The following ZNF33B variants were observed in gnomAD, a reference collection of about 807,000 sequenced individuals.
ZNF33B encodes the protein zinc finger protein 33B.
In ZNF33B, 29 loss-of-function variants were observed where a neutral mutation model predicts 45.8. The observed-to-expected ratio is 0.63, with a 90% CI of 0.47 to 0.86. ZNF33B has a LOEUF of 0.86. Among genes scored for constraint, ZNF33B ranks in the 40% least tolerant of loss-of-function variants. The pLI is 0.00. For synonymous variants in ZNF33B, 305 were observed against 307.8 expected (o/e 0.99, Z 0.10); for missense variants, 831 against 909.9 (o/e 0.91, Z 1.12).
intron 4 of ZNF33B, among the ~76,000 whole-genome samples, chr10:42,626,192 T>C (rs1175029672): frequency 6.6e-6 from 1 of 152,222 alleles, no homozygotes; most frequent in African/African-American, 2.4e-5. Flanking sequence ...GATTTCTGAA[T>C]GTTGAACCAG....
Position 42,631,937 on chromosome 10 carries a change from C to T in ZNF33B, c.242G>A (p.Ser81Asn), listed in dbSNP as rs1357173599. The T allele has an allele frequency of 6.2e-7, 1 of 1,614,002 alleles. No homozygotes were observed. The highest frequency in any genetic ancestry group is 2.2e-5 in the East Asian group (1 of 44,864). ...AGTACATATTAACCCACCTGGAAAG[C>T]TCTGGCTTGGGAATTCTTCCTCCAG... Reference protein sequence around the residue: ...WRLEEEFPSQSFPEVWTADHL... With the variant: ...WRLEEEFPSQNFPEVWTADHL... Residue 81 changes from serine to asparagine, a missense_variant, in exon 4 of 5, where the codon AGC becomes AAC. Physicochemically the swap from Ser to Asn is conservative, Grantham distance 46. Transcript: ENST00000359467.
chr10:42,608,237 C>G (rs1166280670), intron 4 of ZNF33B, among the ~76,000 whole-genome samples: 3 of 152,120 alleles, frequency 2.0e-5, no homozygotes, highest in Non-Finnish European at 4.4e-5. Context: ...AAAAAATACA[C>G]AAGTCTATGA....
rs1441180282 is a variant in ZNF33B at position 42,593,246 on chromosome 10, G to C, written c.1704C>G (p.Leu568=). The C allele has an allele frequency of 1.9e-6, 3 of 1,613,852 alleles. No homozygotes were observed. Among genetic ancestry groups the C allele is most frequent in the South Asian group, 2.2e-5 (2 of 91,080 alleles). ...CGKFFSHKST[L]SQHYRTHTGE... Reference sequence around the variant, plus strand: ...CCGTGTGTGTTCTATAATGTTGAGAGAGGGTTGACTTATGGCTAAAGAATT... The same window carrying C: ...CCGTGTGTGTTCTATAATGTTGAGACAGGGTTGACTTATGGCTAAAGAATT... Residue 568 remains leucine, a synonymous_variant, in exon 5 of 5, where the codon CTC becomes CTG. Transcript: ENST00000359467.
chr10:42,574,430 G>T (rs1836717788), exon 2 of ZNF33B: 1 of 152,144 alleles, frequency 6.6e-6, no homozygotes. Context: ...CAGCCTATCA[G>T]CACTCTCCTC....
At position 42,593,366 on chromosome 10, in the gene ZNF33B, A is replaced by G. The variant is rs149558146; in HGVS notation, c.1584T>C (p.Tyr528=). 1.7e-5 allele frequency: 28 copies of G among 1,613,864 alleles called. No individual in the cohort carries two copies. Among genetic ancestry groups the G allele is most frequent in the African/African-American group, 1.6e-4 (12 of 74,940 alleles). Residue 528 remains tyrosine (Y), a synonymous_variant, in exon 5 of 5, where the codon TAT becomes TAC. Coordinates refer to ENST00000359467, the MANE Select transcript of ZNF33B (RefSeq NM_006955.3). The part of the protein sequence containing the change: ...IHTGLKPYEC[Y]ECGKTFCLKS... ...TCAAGCAGAAGGTTTTCCCACATTC[A>G]TAACATTCATAAGGTTTCAACCCTG... is the stretch of plus-strand genomic sequence containing the variant.
At chr10:42,587,451 C>A (rs1836958488), downstream of ZNF33B, among the ~76,000 whole-genome samples, 1 of 152,152 alleles carries the variant, frequency 6.6e-6, no homozygotes, top group Non-Finnish European at 1.5e-5. Context: ...CCCGCCCCAG[C>A]CTCCCAAAAT....
chr10:42,622,806 T>C (rs1376607811), intron 4 of ZNF33B, among the ~76,000 whole-genome samples: 1 of 152,110 alleles, frequency 6.6e-6, no homozygotes, highest in Non-Finnish European at 1.5e-5. Context: ...AAAATAAAGT[T>C]AGAAAATAAA....
At chr10:42,574,812 T>C (rs1836723770) in intron 1 of ZNF33B, 1 of 152,204 alleles carries the variant, frequency 6.6e-6, no homozygotes, top group African/African-American at 2.4e-5. Flanking sequence ...TCCCCAAAAC[T>C]AGCACAGAGG....
chr10:42,578,318 C>T (rs1410188807), intron 1 of ZNF33B, among the ~76,000 whole-genome samples: 1 of 152,230 alleles, frequency 6.6e-6, no homozygotes, highest in Non-Finnish European at 1.5e-5. Flanking sequence ...TGCAGCATGG[C>T]TGCCTCGGCA....
In ZNF33B at chr10:42,589,760, T is replaced by C. The variant is rs894693550; in HGVS notation, c.*2853A>G. On this transcript the variant is annotated 3_prime_UTR_variant, in exon 5 of 5. Coordinates refer to ENST00000359467, the MANE Select transcript of ZNF33B (RefSeq NM_006955.3). ...TATTTGAGAACAAAGACAGTTGTAT[T>C]TCCTCCTTCCAAATTTATGTGCATT... 6.6e-6 allele frequency: 1 copy of C among 151,880 alleles called. No individual in the cohort carries two copies. Among genetic ancestry groups the C allele is most frequent in the African/African-American group, 2.4e-5 (1 of 41,216 alleles). 9.4% of individuals were successfully genotyped at this position (151,880 alleles called of 1,614,324 possible).
chr10:42,624,913 A>C (rs955465878), intron 4 of ZNF33B, among the ~76,000 whole-genome samples: 1 of 152,206 alleles, frequency 6.6e-6, no homozygotes, highest in African/African-American at 2.4e-5. Flanking sequence ...CAGAAACTGC[A>C]GAAAGCAAAA....
At chr10:42,578,179 A>T (rs1836776150) in intron 1 of ZNF33B, among the ~76,000 whole-genome samples, 1 of 152,198 alleles carries the variant, frequency 6.6e-6, no homozygotes, top group Non-Finnish European at 1.5e-5. Context: ...GGCTGAGCAC[A>T]GGCCCACGCC....
chr10:42,615,345 T>G (rs1261405606), intron 4 of ZNF33B, among the ~76,000 whole-genome samples: 1 of 152,238 alleles, frequency 6.6e-6, no homozygotes, highest in Non-Finnish European at 1.5e-5. Flanking sequence ...GACAAATGGA[T>G]ACATAAAATG....
chr10:42,593,519 G>C lies in ZNF33B; in HGVS notation c.1431C>G (p.Ser477=), dbSNP rs1837244979. ...GTGTAAGATGTGACTTTTGACAAAA[G>C]GATTTCCCACACTCAAGACATTCAA... The part of the protein sequence containing the change: ...KPFECLECGK[S]FCQKSHLTQH... The change falls in exon 5 of 5, where the codon TCC becomes TCG. Residue 477 remains serine, a synonymous_variant. Transcript: ENST00000359467. 1 of 1,613,948 alleles carries C rather than the reference G, an allele frequency of 6.2e-7. No homozygotes were observed. The highest frequency in any genetic ancestry group is 8.5e-7 in the Non-Finnish European group (1 of 1,179,956).
intron 4 of ZNF33B, among the ~76,000 whole-genome samples, chr10:42,599,375 A>G (rs1026033180): frequency 6.6e-6 from 1 of 151,584 alleles, no homozygotes; most frequent in African/African-American, 2.4e-5. Context: ...CTACATTCTC[A>G]AAGTGGAATT....
chr10:42,621,561 A>C (rs186642504), intron 4 of ZNF33B, among the ~76,000 whole-genome samples: 46 of 152,296 alleles, frequency 3.0e-4, no homozygotes, highest in Admixed American at 1.4e-3. Context: ...AAAAGAAAAG[A>C]AAATGAATGT....
chr10:42,598,170 T>C (rs969282109), intron 4 of ZNF33B, among the ~76,000 whole-genome samples: 7 of 152,222 alleles, frequency 4.6e-5, no homozygotes, highest in African/African-American at 1.7e-4. Context: ...AGTAACTGCC[T>C]AGTGTGCCTT....
In ZNF33B at chr10:42,593,514, C is replaced by T; in HGVS notation, c.1436G>A (p.Cys479Tyr). The change falls in exon 5 of 5, where the codon TGT becomes TAT. Residue 479 changes from cysteine (C) to tyrosine (Y), a missense_variant. Physicochemically the swap from Cys to Tyr is radical, Grantham distance 194 (BLOSUM62 -2). Transcript: ENST00000359467. Reference sequence around the variant, plus strand: ...ATGCTGTGTAAGATGTGACTTTTGACAAAAGGATTTCCCACACTCAAGACA... The same window carrying T: ...ATGCTGTGTAAGATGTGACTTTTGATAAAAGGATTTCCCACACTCAAGACA... ...FECLECGKSFCQKSHLTQHQR... is the reference protein window; with the variant it reads ...FECLECGKSFYQKSHLTQHQR... 1 of 1,614,008 alleles carries T rather than the reference C, an allele frequency of 6.2e-7. No individual in the cohort carries two copies. Among genetic ancestry groups the T allele is most frequent in the Non-Finnish European group, 8.5e-7 (1 of 1,179,974 alleles).
At chr10:42,595,317 G>A (rs1482175489) in intron 4 of ZNF33B, among the ~76,000 whole-genome samples, 1 of 152,144 alleles carries the variant, frequency 6.6e-6, no homozygotes, top group East Asian at 1.9e-4. Flanking sequence ...AATTCACATA[G>A]ATTAAAGCTC....
Sources: gnomAD v4.1 joint callset for allele counts (sites outside exome capture counted in the v4.1 genomes callset) on GRCh38, gnomAD v4.1.1 for gene constraint, MANE v1.5 for transcripts, NCBI Gene and HGNC (gene_info 2026-07-23, HGNC 2026-07-21) for gene names.